IFT74: variants seen among roughly 807,000 people sequenced by gnomAD.
IFT74 encodes intraflagellar transport protein 74 homolog.
A neutral mutation model predicts 96.7 loss-of-function variants in IFT74; 92 were observed. That is an observed-to-expected ratio of 0.95 (90% CI 0.80 to 1.13). The LOEUF is 1.13. IFT74 is among the 50% of genes most tolerant of loss of function. The pLI, the probability that IFT74 is intolerant of heterozygous loss-of-function variation, is 0.00. For missense variants in IFT74, 811 were observed against 698.2 expected (o/e 1.16, Z -1.82); for synonymous variants, 223 against 213.2 (o/e 1.05, Z -0.40).
At chr9:26,963,817 TC>T (rs2131486289) in intron 2 of IFT74, among the ~76,000 whole-genome samples, 1 of 152,374 alleles carries the variant, frequency 6.6e-6, no homozygotes. Flanking sequence ...TTTGTTTTTT[TC>T]TTGTAAATTT....
chr9:26,965,510 A>T (rs1246766827), intron 2 of IFT74, among the ~76,000 whole-genome samples: 4 of 152,160 alleles, frequency 2.6e-5, no homozygotes, highest in Non-Finnish European at 5.9e-5. Flanking sequence ...AAGTCTTCAT[A>T]CATAGGATAG....
rs756409244 is a variant in IFT74, at chr9:27,011,874, G to A, written c.727-32G>A. The A allele has an allele frequency of 3.5e-6, 5 of 1,430,466 alleles. No individual in the cohort carries two copies. In the South Asian group the frequency reaches 4.2e-5, roughly 12 times the overall value. The allele number at this position is 1,430,466 out of a possible 1,614,324, so 88.6% of individuals were successfully genotyped here. ...CAACAAATTATTCTTAATGTAATTTGGATTTATGTTTGCTTTTTTTTTTCC... is the reference window on the plus strand; with the variant it reads ...CAACAAATTATTCTTAATGTAATTTAGATTTATGTTTGCTTTTTTTTTTCC... On this transcript the variant is annotated intron_variant, in intron 9 of 19. Coordinates refer to ENST00000380062, the MANE Select transcript of IFT74 (RefSeq NM_025103.4).
intron 1 of IFT74, among the ~76,000 whole-genome samples, chr9:26,959,291 A>G (rs901704913): frequency 3.9e-5 from 6 of 152,072 alleles, no homozygotes; most frequent in African/African-American, 1.4e-4. Context: ...TGTATTTTTT[A>G]GTAGAGACAG....
intron 13 of IFT74, among the ~76,000 whole-genome samples, chr9:27,034,945 G>GT (rs1181443940): frequency 2.0e-5 from 3 of 151,804 alleles, no homozygotes; most frequent in Non-Finnish European, 4.4e-5. Context: ...CTTTATCTTA[G>GT]TTTTTTTTCT....
intron 12 of IFT74, chr9:27,028,741 C>T (rs568801111): frequency 8.7e-5 from 17 of 195,486 alleles, no homozygotes; most frequent in South Asian, 2.0e-4. Flanking sequence ...GGTGGCAGAG[C>T]GAGACCCCGT....
At chr9:27,016,211 A>T (rs944725594) in intron 10 of IFT74, among the ~76,000 whole-genome samples, 7 of 152,250 alleles carry the variant, frequency 4.6e-5, no homozygotes, top group African/African-American at 1.7e-4. Context: ...CCTAGCTTCT[A>T]GTGGTATCCA....
intron 16 of IFT74, among the ~76,000 whole-genome samples, chr9:27,049,381 C>A (rs1047946068): frequency 6.6e-6 from 1 of 152,168 alleles, no homozygotes; most frequent in Non-Finnish European, 1.5e-5. Flanking sequence ...ATAGTACATT[C>A]TTTCGGCGGC....
intron 2 of IFT74, 96 bp from the exon 3 acceptor site, chr9:26,978,030 ATT>A (rs1827198853): frequency 1.0e-6 from 1 of 963,706 alleles, no homozygotes; most frequent in Admixed American, 3.4e-5. Context: ...ATCAAGTAGA[ATT>A]TTGTTTTTTT....
chr9:26,948,448 A>ATTATTATTATTATTTTTTTTTTTT (rs1825819541), intron 1 of IFT74, among the ~76,000 whole-genome samples: 3 of 59,162 alleles, frequency 5.1e-5, no homozygotes, highest in East Asian at 2.9e-4. Context: ...GCTTTCCATT[A>ATTATTATTATTATTTTTTTTTTTT]TTTTTTTTTT....
At chr9:27,029,748 CAATA>C (rs1037073878) in intron 13 of IFT74, among the ~76,000 whole-genome samples, 17 of 152,140 alleles carry the variant, frequency 1.1e-4, no homozygotes, top group African/African-American at 3.6e-4. Flanking sequence ...AACTCGGTCT[CAATA>C]AATAAATAAA....
At chr9:26,978,435 A>C (rs1278902092) in intron 3 of IFT74, among the ~76,000 whole-genome samples, 172 bp downstream of exon 3, 1 of 152,220 alleles carries the variant, frequency 6.6e-6, no homozygotes, top group Non-Finnish European at 1.5e-5. Context: ...TAATTATGGC[A>C]TGTAATCAGA....
At position 27,064,188 on chromosome 9, in the gene IFT74, A is replaced by C. The variant is rs1820539155; in HGVS notation, c.*1452A>C. Among the ~76,000 whole-genome samples the C allele has an allele frequency of 6.6e-6, 1 of 152,130 alleles. No homozygotes were observed. The highest frequency in any genetic ancestry group is 2.4e-5 in the African/African-American group (1 of 41,452). On this transcript the variant is annotated 3_prime_UTR_variant, in exon 20 of 20. Transcript: ENST00000380062. ...TGTCATTCCAAGAAATAGACTTTGT[A>C]CACCAAATAGACTTCATACACTAAA...
At chr9:27,030,343 C>T (rs371960494) in intron 13 of IFT74, among the ~76,000 whole-genome samples, 1 of 152,060 alleles carries the variant, frequency 6.6e-6, no homozygotes, top group South Asian at 2.1e-4. Flanking sequence ...CCTCCTGTCT[C>T]AGCCTCCTGA....
chr9:26,968,066 CT>C (rs34008230), intron 2 of IFT74, among the ~76,000 whole-genome samples: 21,216 of 118,336 alleles, frequency 0.18, 2,186 homozygotes, highest in African/African-American at 0.33. Context: ...TATGTCTTGT[CT>C]TTTTTTTTTT....
intron 19 of IFT74, among the ~76,000 whole-genome samples, chr9:27,061,422 G>T (rs1271785664): frequency 6.6e-6 from 1 of 152,068 alleles, no homozygotes; most frequent in Non-Finnish European, 1.5e-5. Context: ...AACATTATCA[G>T]TAAATCTTCT....
intron 13 of IFT74, chr9:27,036,450 A>G (rs1819191621): frequency 2.5e-6 from 4 of 1,613,546 alleles, no homozygotes; most frequent in Non-Finnish European, 2.5e-6. Context: ...TCATCTGCAG[A>G]TCCTACCAAC....
intron 2 of IFT74, among the ~76,000 whole-genome samples, chr9:26,971,941 A>G (rs1826899277): frequency 1.3e-5 from 2 of 152,176 alleles, no homozygotes; most frequent in African/African-American, 4.8e-5. Context: ...TTATTGGGCA[A>G]TCTTTCTGAC....
chr9:27,041,834 T>C (rs78430917), intron 13 of IFT74, among the ~76,000 whole-genome samples: 1 of 152,194 alleles, frequency 6.6e-6, no homozygotes, highest in African/African-American at 2.4e-5. Context: ...TCACTAATGC[T>C]CTGACCACTC....
At chr9:26,971,548 A>G (rs572685665) in intron 2 of IFT74, among the ~76,000 whole-genome samples, 1 of 152,222 alleles carries the variant, frequency 6.6e-6, no homozygotes, top group African/African-American at 2.4e-5. Flanking sequence ...TCAGTGGAAG[A>G]GAAAATGGGG....
Sources: allele counts gnomAD v4.1 joint callset (sites outside exome capture counted in the v4.1 genomes callset), GRCh38; gene constraint gnomAD v4.1.1; transcripts MANE v1.5; gene names NCBI Gene and HGNC (gene_info 2026-07-23, HGNC 2026-07-21).